Variants in DACH1 observed in about 807,000 individuals in gnomAD.
DACH1 encodes the protein dachshund family transcription factor 1.
DACH1 carries 12 observed loss-of-function variants against 54.2 expected under a neutral mutation model. That is an observed-to-expected ratio of 0.22 (90% confidence interval 0.14 to 0.36). The LOEUF is 0.36. Among genes scored for constraint, DACH1 ranks in the 10% least tolerant of loss-of-function variants. The probability of loss-of-function intolerance (pLI) is 1.00; values close to 1 mark genes in which losing one functional copy is unlikely to be tolerated. For synonymous variants in DACH1, 386 were observed against 366.2 expected (o/e 1.05, Z -0.62); for missense variants, 805 against 929.8 (o/e 0.87, Z 1.75).
At chr13:71,835,801 AAC>A (rs960068433) in intron 1 of DACH1, among the ~76,000 whole-genome samples, 9 of 113,804 alleles carry the variant, frequency 7.9e-5, no homozygotes, top group Non-Finnish European at 2.1e-4. Flanking sequence ...AGCAAACAAC[AAC>A]AAAAAAATCA....
At chr13:71,445,430 C>T (rs1874364657) in intron 10 of DACH1, among the ~76,000 whole-genome samples, 1 of 152,030 alleles carries the variant, frequency 6.6e-6, no homozygotes, top group African/African-American at 2.4e-5. Flanking sequence ...ATAAATATGT[C>T]TCCTATTAAA....
chr13:71,633,946 A>C (rs976193521), intron 2 of DACH1, among the ~76,000 whole-genome samples: 2 of 150,442 alleles, frequency 1.3e-5, no homozygotes, highest in African/African-American at 4.9e-5. Context: ...ACCTCATGAA[A>C]GCGAAGATTT....
At position 71,662,141 on chromosome 13, in the gene DACH1, G is replaced by A. The variant is rs578108904; in HGVS notation, c.964+19654C>T. Among the ~76,000 whole-genome samples, 17 of 152,100 alleles carry A rather than the reference G, an allele frequency of 1.1e-4. No individual in the cohort carries two copies. The East Asian group carries it at 3.1e-3, about 28-fold the overall frequency. On this transcript the variant is annotated intron_variant, in intron 2 of 10. Transcript: ENST00000613252. The stretch of plus-strand genomic sequence containing the variant: ...GGCTGCTGCCAAAACAAAGCAATAT[G>A]TAGAGTTTGTCAGCAGCCACACAGC...
chr13:71,525,456 T>C (rs1593835956), intron 6 of DACH1, among the ~76,000 whole-genome samples: 2 of 152,108 alleles, frequency 1.3e-5, no homozygotes, highest in African/African-American at 4.8e-5. Context: ...AATTAATAAA[T>C]ATTATTTTAA....
intron 3 of DACH1, among the ~76,000 whole-genome samples, chr13:71,617,918 C>A (rs140529818): frequency 6.6e-6 from 1 of 152,038 alleles, no homozygotes; most frequent in Non-Finnish European, 1.5e-5. Flanking sequence ...AAAATAATTT[C>A]TGCGTTCAAT....
chr13:71,684,597 C>A (rs1317813608), intron 1 of DACH1, among the ~76,000 whole-genome samples: 1 of 152,062 alleles, frequency 6.6e-6, no homozygotes, highest in Non-Finnish European at 1.5e-5. Flanking sequence ...CCAACCACTT[C>A]TAGTTAGTAT....
chr13:71,549,071 A>G (rs1452357078), intron 6 of DACH1, among the ~76,000 whole-genome samples: 1 of 152,144 alleles, frequency 6.6e-6, no homozygotes, highest in Non-Finnish European at 1.5e-5. Context: ...GCAAAACTGA[A>G]AGAAATCTAC....
chr13:71,540,006 A>G (rs1027267699), intron 6 of DACH1, among the ~76,000 whole-genome samples: 1 of 152,056 alleles, frequency 6.6e-6, no homozygotes, highest in African/African-American at 2.4e-5. Context: ...AGTATCAATA[A>G]AATGATCTAT....
chr13:71,866,403 T>A lies in DACH1; in HGVS notation c.367A>T (p.Ser123Cys). ...CTGGAAGCGACGCCGCCGCCAGCGC[T>A]GATGCCGCCGCCGCCGCCGCCGCTG... ...NGSGGGGGGI[S>C]AGGGVASSTP... Residue 123 changes from serine (S) to cysteine (C), a missense_variant, in exon 1 of 11, where the codon AGC becomes TGC. Around this residue, in one of 3 missense-constraint regions of DACH1, gnomAD observed 305 missense variants for 308.7 expected, o/e 0.99. Coordinates refer to ENST00000613252, the MANE Select transcript of DACH1 (RefSeq NM_080759.6). 1 of 1,385,610 alleles carries A rather than the reference T, an allele frequency of 7.2e-7. No homozygotes were observed. Among genetic ancestry groups the A allele is most frequent in the Non-Finnish European group, 9.6e-7 (1 of 1,037,722 alleles). The allele number at this position is 1,385,610 out of a possible 1,614,324, so 85.8% of individuals were successfully genotyped here. A position where few individuals can be genotyped will look rare whatever the true frequency, so the allele number is the denominator to read the frequency against.
chr13:71,508,766 C>T (rs1775803516), intron 6 of DACH1, among the ~76,000 whole-genome samples: 1 of 152,042 alleles, frequency 6.6e-6, no homozygotes, highest in Admixed American at 6.6e-5. Flanking sequence ...CTGCACCTGG[C>T]CAAATTAATA....
chr13:71,794,124 A>G (rs1182535933), intron 1 of DACH1, among the ~76,000 whole-genome samples: 1 of 152,188 alleles, frequency 6.6e-6, no homozygotes, highest in African/African-American at 2.4e-5. Flanking sequence ...TCAGTGGCAC[A>G]GTCTAGATAT....
intron 1 of DACH1, 72 bp downstream of exon 1, chr13:71,865,850 A>G: frequency 2.2e-6 from 3 of 1,382,738 alleles, no homozygotes; most frequent in Non-Finnish European, 1.9e-6. Flanking sequence ...CGGCGCCGGG[A>G]AAGGAGCGAG....
intron 1 of DACH1, among the ~76,000 whole-genome samples, chr13:71,717,539 C>CAT (rs1883032877): frequency 6.7e-6 from 1 of 149,782 alleles, no homozygotes; most frequent in South Asian, 2.1e-4. Flanking sequence ...CACACACACA[C>CAT]ACACATTAAT....
intron 3 of DACH1, among the ~76,000 whole-genome samples, chr13:71,624,465 C>T (rs937783686): frequency 6.6e-6 from 1 of 151,882 alleles, no homozygotes; most frequent in African/African-American, 2.4e-5. Context: ...GTGTCAGAAT[C>T]TTTCTGGACT....
At chr13:71,628,114 A>C (rs1449042144) in intron 3 of DACH1, among the ~76,000 whole-genome samples, 1 of 152,010 alleles carries the variant, frequency 6.6e-6, no homozygotes, top group Admixed American at 6.6e-5. Flanking sequence ...ATACTTTACA[A>C]AGTCACAGAG....
At chr13:71,492,482 C>T (rs1879059777) in intron 6 of DACH1, among the ~76,000 whole-genome samples, 1 of 151,996 alleles carries the variant, frequency 6.6e-6, no homozygotes, top group Non-Finnish European at 1.5e-5. Context: ...AGGGAGACAA[C>T]CACTGGAAGC....
intron 6 of DACH1, among the ~76,000 whole-genome samples, chr13:71,533,941 C>T (rs1005334994): frequency 6.6e-6 from 1 of 152,086 alleles, no homozygotes; most frequent in Admixed American, 6.6e-5. Flanking sequence ...TACATAAACA[C>T]ATGAGAAGCT....
chr13:71,720,731 A>G (rs1392116266), intron 1 of DACH1, among the ~76,000 whole-genome samples: 1 of 152,176 alleles, frequency 6.6e-6, no homozygotes, highest in Non-Finnish European at 1.5e-5. Flanking sequence ...CATATAAAAG[A>G]TCCAGATCAA....
At chr13:71,692,733 G>A (rs1369328444) in intron 1 of DACH1, among the ~76,000 whole-genome samples, 1 of 151,662 alleles carries the variant, frequency 6.6e-6, no homozygotes, top group Non-Finnish European at 1.5e-5. Context: ...ATATTGGCCA[G>A]GCTGGTCTCG....
Sources: gnomAD v4.1 joint callset for allele counts (sites outside exome capture counted in the v4.1 genomes callset) on GRCh38, gnomAD v4.1.1 for gene constraint, gnomAD v4.1.1 regional missense constraint, MANE v1.5 for transcripts, NCBI Gene and HGNC (gene_info 2026-07-23, HGNC 2026-07-21) for gene names.